MICU2: variants seen among roughly 807,000 people sequenced by gnomAD.
MICU2 encodes the protein mitochondrial calcium uptake 2, also known as calcium uptake protein 2, mitochondrial.
A neutral mutation model predicts 60.4 loss-of-function variants in MICU2; 64 were observed. The ratio of observed to expected loss-of-function variants is 1.06; its 90% CI spans 0.87 to 1.31. The LOEUF (loss-of-function observed/expected upper bound fraction) is 1.31. Among genes scored for constraint, MICU2 ranks in the 50% most tolerant of loss-of-function variants. MICU2 has a pLI of 0.00. For missense variants in MICU2, 569 were observed against 531.0 expected (o/e 1.07, Z -0.70); for synonymous variants, 201 against 175.0 (o/e 1.15, Z -1.17).
chr13:21,505,868 A>G (rs1159921576), intron 8 of MICU2, among the ~76,000 whole-genome samples: 1 of 152,210 alleles, frequency 6.6e-6, no homozygotes, highest in East Asian at 1.9e-4. Flanking sequence ...TTATAAAGAG[A>G]AGACACTTAC....
chr13:21,501,337 A>T (rs1384571642), intron 9 of MICU2, among the ~76,000 whole-genome samples: 1 of 151,414 alleles, frequency 6.6e-6, no homozygotes, highest in African/African-American at 2.4e-5. Flanking sequence ...ATCTCAGCTC[A>T]CTGAAAGCTC....
At chr13:21,533,327 T>TC (rs1464083874) in intron 4 of MICU2, among the ~76,000 whole-genome samples, 1 of 149,210 alleles carries the variant, frequency 6.7e-6, no homozygotes, top group Admixed American at 6.7e-5. Context: ...CAGCGCAATT[T>TC]TTTTTTTTTT....
At chr13:21,575,540 C>A (rs890664272) in intron 1 of MICU2, among the ~76,000 whole-genome samples, 1 of 151,134 alleles carries the variant, frequency 6.6e-6, no homozygotes, top group African/African-American at 2.4e-5. Context: ...CTGGGCAACA[C>A]GGCGAGACAT....
chr13:21,524,148 G>C (rs913163784), intron 4 of MICU2, among the ~76,000 whole-genome samples: 1 of 152,040 alleles, frequency 6.6e-6, no homozygotes, highest in Non-Finnish European at 1.5e-5. Context: ...CAAAAGATTG[G>C]TATAATAGCA....
At position 21,514,549 on chromosome 13, in the gene MICU2, T is replaced by G. The variant is rs1393390734; in HGVS notation, c.598-131A>C. 1.4e-5 allele frequency: 9 copies of G among 625,706 alleles called. No individual in the cohort carries two copies. In the East Asian group the frequency reaches 2.4e-4, roughly 16 times the overall value. 38.8% of individuals were successfully genotyped at this position (625,706 alleles called of 1,614,324 possible). A position where few individuals can be genotyped will look rare whatever the true frequency, so the allele number is the denominator to read the frequency against. On this transcript the variant is annotated intron_variant, in intron 6 of 11. Coordinates refer to ENST00000382374, the MANE Select transcript of MICU2 (RefSeq NM_152726.3). ...TGCTAAATATTAACTTCTTTTTTTT[T>G]TTGAGATGGAGTCTTACTCTGTTGC...
intron 6 of MICU2, among the ~76,000 whole-genome samples, chr13:21,519,301 G>A (rs533229340): frequency 3.9e-5 from 6 of 152,020 alleles, no homozygotes; most frequent in Non-Finnish European, 7.4e-5. Context: ...CAGGTGATCC[G>A]CCTGCCTCAG....
At chr13:21,498,366 ATTCTTT>A (rs1886053978) in intron 9 of MICU2, among the ~76,000 whole-genome samples, 2 of 93,896 alleles carry the variant, frequency 2.1e-5, no homozygotes, top group Admixed American at 1.4e-4. Context: ...GAAATATCCT[ATTCTTT>A]TTTTTTTTTT....
chr13:21,512,082 T>C (rs1341876714), intron 7 of MICU2, among the ~76,000 whole-genome samples: 24 of 152,240 alleles, frequency 1.6e-4, no homozygotes, highest in Non-Finnish European at 1.9e-4. Context: ...ACATTCCCAC[T>C]AGCAATGAGT....
chr13:21,530,051 C>T (rs556614072), intron 4 of MICU2, among the ~76,000 whole-genome samples: 11 of 152,324 alleles, frequency 7.2e-5, no homozygotes, highest in South Asian at 2.1e-4. Context: ...ATACTTCTAA[C>T]GCTTCCCAAT....
chr13:21,514,615 G>A (rs901099432), intron 6 of MICU2, among the ~76,000 whole-genome samples, 197 bp from the exon 7 acceptor site: 1 of 151,688 alleles, frequency 6.6e-6, no homozygotes, highest in Admixed American at 6.6e-5. Flanking sequence ...CTTACTGCAA[G>A]TTTCGCCCCC....
At chr13:21,525,516 C>T (rs959378183) in intron 4 of MICU2, among the ~76,000 whole-genome samples, 3 of 151,728 alleles carry the variant, frequency 2.0e-5, no homozygotes, top group African/African-American at 7.3e-5. Flanking sequence ...TTTGAGGAAT[C>T]GCCCTACCTT....
rs79883772 is a variant in MICU2 at position 21,544,498 on chromosome 13, A to T, written c.359-4810T>A. 3.7e-3 allele frequency among the ~76,000 whole-genome samples: 511 copies of T among 138,036 alleles called. 9 individuals carry two copies. The highest frequency in any genetic ancestry group is 0.013 in the African/African-American group (471 of 37,476). 90.6% of individuals were successfully genotyped at this position (138,036 alleles called of 152,430 possible). A position where few individuals can be genotyped will look rare whatever the true frequency, so the allele number is the denominator to read the frequency against. ...ACACTTCAAAAAAGAACACATACAA[A>T]ATGACCAATAAACACATGAAAAAAA... On this transcript the variant is annotated intron_variant, in intron 2 of 11. Coordinates refer to ENST00000382374, the MANE Select transcript of MICU2 (RefSeq NM_152726.3).
At chr13:21,571,455 T>C (rs1232429032) in intron 1 of MICU2, among the ~76,000 whole-genome samples, 1 of 152,182 alleles carries the variant, frequency 6.6e-6, no homozygotes, top group African/African-American at 2.4e-5. Context: ...CCCAGCACTT[T>C]GGGAGGCCGA....
intron 1 of MICU2, among the ~76,000 whole-genome samples, chr13:21,602,131 T>C (rs997635226): frequency 1.3e-5 from 2 of 150,090 alleles, no homozygotes; most frequent in Non-Finnish European, 3.0e-5. Flanking sequence ...TGCATTTTAC[T>C]CTTGGCAAAA....
At chr13:21,557,572 G>A (rs1787972613) in intron 2 of MICU2, among the ~76,000 whole-genome samples, 1 of 152,156 alleles carries the variant, frequency 6.6e-6, no homozygotes, top group Non-Finnish European at 1.5e-5. Flanking sequence ...TACATACTAC[G>A]TAAAAATGAG....
intron 7 of MICU2, among the ~76,000 whole-genome samples, chr13:21,513,089 C>A (rs1886472616): frequency 6.6e-6 from 1 of 152,038 alleles, no homozygotes; most frequent in Non-Finnish European, 1.5e-5. Flanking sequence ...TAGTCACCTT[C>A]CTAAAATCAA....
chr13:21,501,959 CAG>C (rs780307007), intron 9 of MICU2, among the ~76,000 whole-genome samples: 5 of 152,140 alleles, frequency 3.3e-5, no homozygotes, highest in Admixed American at 1.3e-4. Context: ...CAGTGTCAGA[CAG>C]GGGGATTTCA....
intron 1 of MICU2, among the ~76,000 whole-genome samples, chr13:21,587,182 A>T (rs1042098170): frequency 7.2e-5 from 11 of 152,190 alleles, no homozygotes; most frequent in Non-Finnish European, 1.3e-4. Flanking sequence ...ATATGGGGCA[A>T]TTGAGTATCA....
intron 2 of MICU2, among the ~76,000 whole-genome samples, chr13:21,560,626 AC>A (rs1226952617): frequency 1.1e-5 from 1 of 91,286 alleles, no homozygotes; most frequent in East Asian, 1.4e-3. Flanking sequence ...GTCAAAAAAC[AC>A]ACACACACAC....
Sources: gnomAD v4.1 joint callset for allele counts (sites outside exome capture counted in the v4.1 genomes callset) on GRCh38, gnomAD v4.1.1 for gene constraint, MANE v1.5 for transcripts, NCBI Gene and HGNC (gene_info 2026-07-23, HGNC 2026-07-21) for gene names.